Variants in RUNX1T1 observed in about 807,000 individuals in gnomAD.
RUNX1T1 encodes the protein RUNX1 partner transcriptional co-repressor 1, also known as protein CBFA2T1.
In RUNX1T1, 4 loss-of-function variants were observed where a neutral mutation model predicts 62.8. The ratio of observed to expected loss-of-function variants is 0.06; its 90% confidence interval spans 0.03 to 0.15. RUNX1T1 has a LOEUF of 0.15. Ranked by LOEUF, RUNX1T1 falls within the 10% of genes least tolerant of loss-of-function variation. The pLI is 1.00. For synonymous variants in RUNX1T1, 291 were observed against 286.0 expected (o/e 1.02, Z -0.18); for missense variants, 508 against 754.3 (o/e 0.67, Z 3.82).
At chr8:92,054,770 C>T (rs939700228) in intron 1 of RUNX1T1, among the ~76,000 whole-genome samples, 14 of 152,008 alleles carry the variant, frequency 9.2e-5, no homozygotes, top group East Asian at 1.9e-4. Context: ...GGGAGGCGGG[C>T]GGATCACGAG....
At chr8:92,086,589 T>C (rs1836154524) in intron 1 of RUNX1T1, among the ~76,000 whole-genome samples, 1 of 152,190 alleles carries the variant, frequency 6.6e-6, no homozygotes, top group African/African-American at 2.4e-5. Flanking sequence ...CCAGAAGCCC[T>C]GGGACCGAGG....
intron 1 of RUNX1T1, among the ~76,000 whole-genome samples, chr8:92,021,487 G>C (rs915555449): frequency 6.6e-6 from 1 of 152,014 alleles, no homozygotes; most frequent in African/African-American, 2.4e-5. Context: ...TGCAATGCCC[G>C]AGAATGAAAG....
chr8:91,970,586 C>T (rs772495565), intron 10 of RUNX1T1, 72 bp downstream of exon 11: 92 of 1,324,696 alleles, frequency 6.9e-5, no homozygotes, highest in Non-Finnish European at 8.9e-5. Context: ...AAGTGATCAC[C>T]TTGAATGAAG....
At chr8:92,006,618 C>T (rs544703430) in intron 4 of RUNX1T1, 1 of 151,694 alleles carries the variant, frequency 6.6e-6, no homozygotes, top group Non-Finnish European at 1.5e-5. Context: ...TTATGTAGAG[C>T]CAAGTTTCTG....
intron 7 of RUNX1T1, 135 bp downstream of exon 8, chr8:91,986,752 T>C (rs945531104): frequency 1.1e-5 from 7 of 660,160 alleles, no homozygotes; most frequent in Non-Finnish European, 1.6e-5. Flanking sequence ...TCAGATATTC[T>C]CGCTCATTTT....
At chr8:92,007,023 T>C (rs1820916576) in intron 4 of RUNX1T1, among the ~76,000 whole-genome samples, 1 of 152,222 alleles carries the variant, frequency 6.6e-6, no homozygotes, top group Admixed American at 6.5e-5. Flanking sequence ...TCTTTGTAAT[T>C]AGTAAAGATG....
chr8:91,997,635 C>T (rs1818957061), intron 5 of RUNX1T1, among the ~76,000 whole-genome samples: 1 of 152,148 alleles, frequency 6.6e-6, no homozygotes, highest in Non-Finnish European at 1.5e-5. Flanking sequence ...ACTTTCTTTT[C>T]CAAATCCAAG....
chr8:92,082,953 G>T (rs1835511511), intron 1 of RUNX1T1, among the ~76,000 whole-genome samples: 1 of 152,174 alleles, frequency 6.6e-6, no homozygotes, highest in Non-Finnish European at 1.5e-5. Flanking sequence ...GGGACAACTG[G>T]AGGGAATCTG....
At chr8:91,997,932 TA>T (rs1465585989) in intron 5 of RUNX1T1, among the ~76,000 whole-genome samples, 1 of 152,206 alleles carries the variant, frequency 6.6e-6, no homozygotes, top group Non-Finnish European at 1.5e-5. Flanking sequence ...TCTGGAGACT[TA>T]CTTTATTTTA....
chr8:92,060,553 A>ATATATATGTGTGTGTGTGTGTGTGTGTG, intron 1 of RUNX1T1, among the ~76,000 whole-genome samples: 11 of 63,928 alleles, frequency 1.7e-4, no homozygotes, highest in African/African-American at 5.8e-4. Context: ...ATATATATAT[A>ATATATATGTGTGTGTGTGTGTGTGTGTG]TGTGTGTGTG....
At chr8:92,005,504 T>C (rs1024436574) in intron 4 of RUNX1T1, 19 of 524,554 alleles carry the variant, frequency 3.6e-5, no homozygotes, top group Middle Eastern at 4.8e-4. Flanking sequence ...TGACTGACCC[T>C]TGTACATCAC....
chr8:92,042,907 G>A (rs1473038860), intron 1 of RUNX1T1, among the ~76,000 whole-genome samples: 1 of 152,116 alleles, frequency 6.6e-6, no homozygotes, highest in Non-Finnish European at 1.5e-5. Flanking sequence ...GCTGTGTTTG[G>A]ATTCAAGCAT....
intron 4 of RUNX1T1, among the ~76,000 whole-genome samples, chr8:92,007,462 C>T (rs1468099724): frequency 6.7e-6 from 1 of 149,816 alleles, no homozygotes; most frequent in African/African-American, 2.5e-5. Context: ...GAGACTCAGT[C>T]TAATTAAAAA....
upstream of RUNX1T1, chr8:92,099,742 C>T (rs892688063): frequency 1.6e-6 from 1 of 617,792 alleles, no homozygotes; most frequent in Non-Finnish European, 2.0e-6. Context: ...ATGTTCATAT[C>T]AAAGAAGTGA....
chr8:92,005,952 C>T (rs1586947957), intron 4 of RUNX1T1: 1 of 150,132 alleles, frequency 6.7e-6, no homozygotes. Context: ...AGTAAACTGC[C>T]TTCTTTGTAT....
At chr8:91,959,016 A>G (rs1809815983) in exon 11 of RUNX1T1, 2 of 209,386 alleles carry the variant, frequency 9.6e-6, no homozygotes, top group East Asian at 7.1e-5. Flanking sequence ...AAAGCAGCAT[A>G]GAAAGATACA....
At chr8:92,079,677 G>C (rs1478292809) in intron 1 of RUNX1T1, among the ~76,000 whole-genome samples, 1 of 152,066 alleles carries the variant, frequency 6.6e-6, no homozygotes, top group Non-Finnish European at 1.5e-5. Context: ...TTCACACACA[G>C]AAACACACAG....
At chr8:92,070,714 G>T (rs1417680114) in intron 2 of RUNX1T1, among the ~76,000 whole-genome samples, 2 of 152,232 alleles carry the variant, frequency 1.3e-5, no homozygotes, top group Non-Finnish European at 2.9e-5. Context: ...ATTCCTTGGA[G>T]CTGTGCTTAT....
intron 1 of RUNX1T1, among the ~76,000 whole-genome samples, chr8:92,062,240 T>C (rs1352060919): frequency 6.6e-6 from 1 of 152,224 alleles, no homozygotes; most frequent in Admixed American, 6.5e-5. Context: ...CAATACTTCT[T>C]ACTTGAGCTA....
Sources: allele counts gnomAD v4.1 joint callset (sites outside exome capture counted in the v4.1 genomes callset), GRCh38; gene constraint gnomAD v4.1.1; transcripts MANE v1.5; gene names NCBI Gene and HGNC (gene_info 2026-07-23, HGNC 2026-07-21).